NBEAL2: variants seen among roughly 807,000 people sequenced by gnomAD.
NBEAL2 encodes the protein neurobeachin-like protein 2.
NBEAL2 carries 160 observed loss-of-function variants against 299.8 expected under a neutral mutation model. The observed-to-expected ratio is 0.53, with a 90% CI of 0.47 to 0.61. The LOEUF is 0.61. Ranked by LOEUF, NBEAL2 falls within the 20% of genes least tolerant of loss-of-function variation. NBEAL2 has a pLI of 0.00. For missense variants in NBEAL2, 3,112 were observed against 3,649.0 expected (o/e 0.85, Z 3.79); for synonymous variants, 1,493 against 1,542.3 (o/e 0.97, Z 0.75).
Position 47,009,132 on chromosome 3 carries a change from T to C in NBEAL2, c.8163+8T>C. 1 of 351,210 alleles carries C rather than the reference T, an allele frequency of 2.8e-6. No individual in the cohort carries two copies. Among genetic ancestry groups the C allele is most frequent in the Non-Finnish European group, 4.5e-6 (1 of 223,986 alleles). 21.8% of individuals were successfully genotyped at this position (351,210 alleles called of 1,614,324 possible). ...GCGGGGCAGCCCTCTGAGGTGAGGA[T>C]GGGGCGGGGGTGGGGAGGCCCCTCG... On this transcript the variant is annotated splice_region_variant and intron_variant, in intron 53 of 53. Transcript: ENST00000450053.
Position 47,008,109 on chromosome 3 carries a change from G to A in NBEAL2, c.7642G>A (p.Val2548Ile). The change falls in exon 50 of 54, where the codon GTC becomes ATC. Residue 2548 changes from valine (V) to isoleucine (I), a missense_variant. By Grantham distance (29) the Val-to-Ile change is conservative (BLOSUM62 3). Around this residue, in one of 3 missense-constraint regions of NBEAL2, gnomAD observed 348 missense variants for 381.4 expected, o/e 0.91. Coordinates refer to ENST00000450053, the MANE Select transcript of NBEAL2 (RefSeq NM_015175.3). Reference protein sequence around the residue: ...SVGLAPKPVQVLYGHGAAVSC... With the variant: ...SVGLAPKPVQILYGHGAAVSC... ...AGGCCTGGCACCAAAGCCTGTGCAG[G>A]TCCTGTATGGGCATGGGGCTGCAGT... The A allele has an allele frequency of 6.2e-7, 1 of 1,614,028 alleles. No individual in the cohort carries two copies. The highest frequency in any genetic ancestry group is 1.1e-5 in the South Asian group (1 of 91,088).
At chr3:46,980,564 C>G (rs906513639) in intron 1 of NBEAL2, among the ~76,000 whole-genome samples, 4 of 145,772 alleles carry the variant, frequency 2.7e-5, no homozygotes, top group African/African-American at 9.9e-5. Context: ...AAAAGGTTTT[C>G]CTCTGGATGC....
At chr3:46,992,231 C>T (rs1054662446) in intron 9 of NBEAL2, among the ~76,000 whole-genome samples, 7 of 152,164 alleles carry the variant, frequency 4.6e-5, no homozygotes, top group African/African-American at 1.7e-4. Flanking sequence ...TTTCCCTTTC[C>T]GTGGCCCCAA....
chr3:46,995,864 T>C lies in NBEAL2; in HGVS notation c.2031+18T>C. 1 of 1,613,754 alleles carries C rather than the reference T, an allele frequency of 6.2e-7. No individual in the cohort carries two copies. The highest frequency in any genetic ancestry group is 8.5e-7 in the Non-Finnish European group (1 of 1,179,850). On this transcript the variant is annotated intron_variant, in intron 14 of 53. Transcript: ENST00000450053. ...CTGCCTGGGTGAGACCCCATCCTTCTCATGTGGCCCAGTAGAGAGAGGGGT... is the reference window on the plus strand; with the variant it reads ...CTGCCTGGGTGAGACCCCATCCTTCCCATGTGGCCCAGTAGAGAGAGGGGT...
At chr3:46,999,194 C>A in intron 24 of NBEAL2, 77 bp downstream of exon 24, 3 of 1,536,240 alleles carry the variant, frequency 2.0e-6, no homozygotes. Flanking sequence ...GTACAGCAGG[C>A]CTTGGGCCAG....
In NBEAL2 at chr3:46,995,980, A is replaced by T. The variant is rs2036466643; in HGVS notation, c.2080A>T (p.Asn694Tyr). 2 of 1,613,080 alleles carry T rather than the reference A, an allele frequency of 1.2e-6. No homozygotes were observed. The highest frequency in any genetic ancestry group is 1.7e-6 in the Non-Finnish European group (2 of 1,179,764). Residue 694 changes from asparagine (N) to tyrosine (Y), a missense_variant, in exon 15 of 54, where the codon AAC (asparagine) becomes TAC (tyrosine). Physicochemically the swap from Asn to Tyr is moderately radical, Grantham distance 143. Around this residue, in one of 3 missense-constraint regions of NBEAL2, gnomAD observed 2,243 missense variants for 2,538.1 expected, o/e 0.88. Coordinates refer to ENST00000450053, the MANE Select transcript of NBEAL2 (RefSeq NM_015175.3). ...HVPGRRPFSQNLVHVYKDGHL... is the reference protein window; with the variant it reads ...HVPGRRPFSQYLVHVYKDGHL... Reference sequence around the variant, plus strand: ...GCCTGGGCGCCGGCCCTTCAGCCAGAACCTGGTCCATGTCTACAAAGACGG... The same window carrying T: ...GCCTGGGCGCCGGCCCTTCAGCCAGTACCTGGTCCATGTCTACAAAGACGG...
chr3:47,006,503 A>G (rs1289332124), intron 45 of NBEAL2, 54 bp downstream of exon 45: 2 of 1,488,160 alleles, frequency 1.3e-6, no homozygotes, highest in African/African-American at 1.4e-5. Context: ...GTTTAACCCC[A>G]CTGTCCTTAC....
Position 47,004,891 on chromosome 3 carries a change from T to C in NBEAL2, c.6295-81T>C. The C allele has an allele frequency of 6.5e-7, 1 of 1,543,062 alleles. No individual in the cohort carries two copies. Among genetic ancestry groups the C allele is most frequent in the Non-Finnish European group, 8.8e-7 (1 of 1,142,312 alleles). On this transcript the variant is annotated intron_variant, in intron 38 of 53. Transcript: ENST00000450053. This position sits in a 1 kb window ranked among gnomAD's most constrained non-coding sequence, Gnocchi z 5.0. ...CCTGTGGGCAGGCTCTGTGCCCGCC[T>C]TCTTGAGGGTGTGGGCAGGGCAGGG... is the stretch of plus-strand genomic sequence containing the variant.
chr3:46,990,363 GT>G (rs1281433025), intron 6 of NBEAL2, among the ~76,000 whole-genome samples: 1 of 152,196 alleles, frequency 6.6e-6, no homozygotes, highest in Non-Finnish European at 1.5e-5. Context: ...ATCCCTTGAT[GT>G]CAACCTGACG....
At chr3:46,994,667 A>G (rs1559593412) in intron 12 of NBEAL2, 114 bp downstream of exon 12, 1 of 895,390 alleles carries the variant, frequency 1.1e-6, no homozygotes, top group East Asian at 2.7e-5. Context: ...GCCAGTACAT[A>G]CTGTTACCTG....
rs1397454278 is a variant in NBEAL2, at chr3:47,002,391, G to T, written c.5172G>T (p.Gln1724His). The change falls in exon 32 of 54, where the codon CAG becomes CAT. Residue 1724 changes from glutamine (Q) to histidine (H), a missense_variant. Physicochemically the swap from Gln to His is conservative, Grantham distance 24 (BLOSUM62 0). Around this residue, in one of 3 missense-constraint regions of NBEAL2, gnomAD observed 2,243 missense variants for 2,538.1 expected, o/e 0.88. Coordinates refer to ENST00000450053, the MANE Select transcript of NBEAL2 (RefSeq NM_015175.3). The stretch of plus-strand genomic sequence containing the variant: ...TCCAGGTACAGCCAACCATGTCCCA[G>T]TTCGAAATGGACACGTATGCTAAGA... Reference protein sequence around the residue: ...IDKQVQPTMSQFEMDTYAKSH... With the variant: ...IDKQVQPTMSHFEMDTYAKSH... The T allele has an allele frequency of 1.2e-6, 2 of 1,613,544 alleles. No homozygotes were observed. The highest frequency in any genetic ancestry group is 1.7e-6 in the Non-Finnish European group (2 of 1,179,894).
Position 46,996,485 on chromosome 3 carries a change from A to G in NBEAL2, c.2366A>G (p.Gln789Arg), listed in dbSNP as rs754839486. The change falls in exon 16 of 54, where the codon CAG (glutamine) becomes CGG (arginine). Residue 789 changes from glutamine (Q) to arginine (R), a missense_variant. Coordinates refer to ENST00000450053, the MANE Select transcript of NBEAL2 (RefSeq NM_015175.3). Reference protein sequence around the residue: ...GSIDSTLAGTQDTRWGSPTSL... With the variant: ...GSIDSTLAGTRDTRWGSPTSL... ...ATCGACTCTACCCTCGCAGGCACCC[A>G]GGACACTCGGTGGGGCAGCCCCACA... The G allele has an allele frequency of 6.3e-6, 10 of 1,592,084 alleles. No individual in the cohort carries two copies. Among genetic ancestry groups the G allele is most frequent in the Non-Finnish European group, 8.6e-6 (10 of 1,167,532 alleles).
intron 1 of NBEAL2, chr3:46,987,941 T>C (rs1465163239): frequency 8.1e-7 from 1 of 1,234,972 alleles, no homozygotes; most frequent in Non-Finnish European, 1.0e-6. Context: ...CCACCGTGAC[T>C]CTGCGCTTCC....
rs1425401517 is a variant in NBEAL2 at position 46,981,732 on chromosome 3, TG to T, written c.51+1821del. On this transcript the variant is annotated intron_variant, in intron 1 of 53. Transcript: ENST00000450053. ...GGGGGCTTAAACCAGCTGGTGAGTG[TG>T]AGGGATGTTAATGATAGGTCTTCAG... is the stretch of plus-strand genomic sequence containing the variant. Among the ~76,000 whole-genome samples, 3 of 152,066 alleles carry T rather than the reference TG, an allele frequency of 2.0e-5. No individual in the cohort carries two copies. In the East Asian group the frequency reaches 5.8e-4, roughly 29 times the overall value.
chr3:47,000,390 A>ACCAGCAACCC lies in NBEAL2; in HGVS notation c.4292_4301dup (p.Thr1437ProfsTer6). On this transcript the variant is annotated frameshift_variant, in exon 27 of 54. Transcript: ENST00000450053. LOFTEE classifies it high-confidence loss of function. The surrounding 1 kb of genome is among the most constrained non-coding windows in gnomAD (Gnocchi z 4.5). ...CATTAGCGGGGATGATACCTCGAAC[A>ACCAGCAACCC]CCAGCAACCCACAGGTGAGGTGGGC... 6.4e-7 allele frequency: 1 copy of ACCAGCAACCC among 1,572,856 alleles called. No homozygotes were observed. The highest frequency in any genetic ancestry group is 8.6e-7 in the Non-Finnish European group (1 of 1,156,386).
chr3:47,005,437 C>T (rs2107439484), intron 40 of NBEAL2, 52 bp from the exon 41 acceptor site: 2 of 1,593,548 alleles, frequency 1.3e-6, no homozygotes, highest in South Asian at 2.3e-5. Flanking sequence ...CAGCATCTCC[C>T]TCCCTGTCTC....
At chr3:46,993,767 T>A (rs2036274653) in intron 10 of NBEAL2, among the ~76,000 whole-genome samples, 170 bp from the exon 11 acceptor site, 1 of 152,054 alleles carries the variant, frequency 6.6e-6, no homozygotes, top group Admixed American at 6.5e-5. Context: ...CATGATAGGG[T>A]CACAGCAGTT....
In NBEAL2 at chr3:46,996,223, C is replaced by A. The variant is rs1226548554; in HGVS notation, c.2152-48C>A. The stretch of plus-strand genomic sequence containing the variant: ...GTGAGGAACTGGTTGTAGGCGGAGC[C>A]CCAGGTTCTGCTGTGACCTGACCGC... On this transcript the variant is annotated intron_variant, in intron 15 of 53. Transcript: ENST00000450053. 2.5e-6 allele frequency: 4 copies of A among 1,596,290 alleles called. No homozygotes were observed. In the South Asian group the frequency reaches 4.4e-5, roughly 18 times the overall value.
At position 46,989,248 on chromosome 3, in the gene NBEAL2, C is replaced by A. The variant is rs763464861; in HGVS notation, c.352-12C>A. 5.0e-6 allele frequency: 8 copies of A among 1,612,032 alleles called. No individual in the cohort carries two copies. The South Asian group carries it at 8.8e-5, about 18-fold the overall frequency. On this transcript the variant is annotated splice_polypyrimidine_tract_variant and intron_variant, in intron 4 of 53. Coordinates refer to ENST00000450053, the MANE Select transcript of NBEAL2 (RefSeq NM_015175.3). The surrounding 1 kb of genome is among the most constrained non-coding windows in gnomAD (Gnocchi z 5.5). ...CCATGGCGGGGCTAACCCTCTCTCC[C>A]CACACCTACAGCTGAAAGGATGCCC...
Sources: gnomAD v4.1 joint callset for allele counts (sites outside exome capture counted in the v4.1 genomes callset) on GRCh38, gnomAD v4.1.1 for gene constraint, gnomAD v4.1.1 regional missense constraint, Gnocchi (gnomAD v3.1) non-coding constraint, MANE v1.5 for transcripts, NCBI Gene and HGNC (gene_info 2026-07-23, HGNC 2026-07-21) for gene names.